CBX1: variants seen among roughly 807,000 people sequenced by gnomAD.
The protein encoded by CBX1 is chromobox 1, also known as chromobox protein homolog 1.
CBX1 carries 10 observed loss-of-function variants against 25.1 expected under a neutral mutation model. The observed-to-expected ratio is 0.40, with a 90% confidence interval of 0.25 to 0.68. The LOEUF (loss-of-function observed/expected upper bound fraction) is 0.68, where lower values mean the gene tolerates loss of function less well. Among genes scored for constraint, CBX1 ranks in the 30% least tolerant of loss-of-function variants. CBX1 has a pLI of 0.40. For synonymous variants in CBX1, 63 were observed against 79.4 expected (o/e 0.79, Z 1.10); for missense variants, 106 against 218.5 (o/e 0.49, Z 3.25).
intron 1 of CBX1, chr17:48,088,206 G>T (rs1454400887): frequency 6.6e-6 from 1 of 151,876 alleles, no homozygotes. Flanking sequence ...AGCTACTTGG[G>T]AGGCAGAGGC....
At chr17:48,086,286 G>T (rs1423657823) in intron 1 of CBX1, among the ~76,000 whole-genome samples, 1 of 152,178 alleles carries the variant, frequency 6.6e-6, no homozygotes, top group Non-Finnish European at 1.5e-5. Flanking sequence ...GCAGAAGGCA[G>T]TAACATAACA....
intron 1 of CBX1, among the ~76,000 whole-genome samples, chr17:48,091,983 C>CTTTTTTTT (rs56277117): frequency 3.2e-5 from 2 of 62,938 alleles, no homozygotes; most frequent in Non-Finnish European, 5.5e-5. Context: ...CCAGCCAGAT[C>CTTTTTTTT]TTTTTTTTTT....
In CBX1 at chr17:48,071,221, C is replaced by T; in HGVS notation, c.*214G>A. On this transcript the variant is annotated 3_prime_UTR_variant, in exon 5 of 5. Coordinates refer to ENST00000225603, the MANE Select transcript of CBX1 (RefSeq NM_001127228.2). ...GTGCAGAAAAGGTTGCCTTGAAACA[C>T]TTATCCCCTTTCCCCTCCACTGGGA... The T allele has an allele frequency of 2.4e-6, 1 of 418,048 alleles. No individual in the cohort carries two copies. Among genetic ancestry groups the T allele is most frequent in the Non-Finnish European group, 4.2e-6 (1 of 237,542 alleles). The allele number at this position is 418,048 out of a possible 1,614,324, so 25.9% of individuals were successfully genotyped here. A position where few individuals can be genotyped will look rare whatever the true frequency, so the allele number is the denominator to read the frequency against.
chr17:48,075,551 T>C (rs2037667416), intron 3 of CBX1, among the ~76,000 whole-genome samples: 1 of 152,150 alleles, frequency 6.6e-6, no homozygotes, highest in Non-Finnish European at 1.5e-5. Context: ...AAGAGAGCTG[T>C]TAGAATCCTT....
intron 1 of CBX1, among the ~76,000 whole-genome samples, chr17:48,080,810 A>G (rs1169724963): frequency 6.8e-6 from 1 of 147,406 alleles, no homozygotes; most frequent in East Asian, 2.1e-4. Context: ...AGTGCCAGCT[A>G]CTCGGGAGGC....
intron 1 of CBX1, among the ~76,000 whole-genome samples, chr17:48,086,395 G>A (rs1175151889): frequency 2.6e-5 from 4 of 152,186 alleles, no homozygotes; most frequent in South Asian, 2.1e-4. Flanking sequence ...GCTCTTGGCT[G>A]CCACCATAAA....
At chr17:48,101,003 C>T (rs1423296495) in intron 1 of CBX1, 1 of 986,018 alleles carries the variant, frequency 1.0e-6, no homozygotes, top group East Asian at 1.1e-4. Context: ...AAGAGCGGCC[C>T]CCAAGTGCTC....
chr17:48,100,974 C>T (rs2063406374), intron 1 of CBX1: 5 of 986,240 alleles, frequency 5.1e-6, no homozygotes, highest in African/African-American at 3.5e-5. Context: ...CAACATTGTT[C>T]CAGACCACCC....
At position 48,070,237 on chromosome 17, in the gene CBX1, G is replaced by C. The variant is rs551328114; in HGVS notation, c.*1198C>G. 1.0e-4 allele frequency: 16 copies of C among 152,726 alleles called. No homozygotes were observed. The highest frequency in any genetic ancestry group is 3.6e-4 in the African/African-American group (15 of 41,554). The allele number at this position is 152,726 out of a possible 1,614,324, so 9.5% of individuals were successfully genotyped here. ...CTCATGACTCAAGACAGAGCATTTT[G>C]GGTATGTTACTTATTAGGATTTCTT... On this transcript the variant is annotated 3_prime_UTR_variant, in exon 5 of 5. Coordinates refer to ENST00000225603, the MANE Select transcript of CBX1 (RefSeq NM_001127228.2).
At chr17:48,082,501 C>CAAAA (rs572999255) in intron 1 of CBX1, among the ~76,000 whole-genome samples, 3 of 53,756 alleles carry the variant, frequency 5.6e-5, no homozygotes, top group African/African-American at 7.9e-5. Flanking sequence ...GACTCCATCT[C>CAAAA]AAAAAAAAAA....
intron 1 of CBX1, among the ~76,000 whole-genome samples, chr17:48,093,121 T>C (rs1428755160): frequency 1.4e-5 from 2 of 139,194 alleles, no homozygotes; most frequent in Admixed American, 7.3e-5. Flanking sequence ...AACAAATTAG[T>C]TGGGCATGAT....
chr17:48,094,184 A>G (rs2063359994), intron 1 of CBX1, among the ~76,000 whole-genome samples: 1 of 148,166 alleles, frequency 6.7e-6, no homozygotes, highest in Non-Finnish European at 1.5e-5. Flanking sequence ...TTGTAATCCC[A>G]GCACATTGGG....
intron 1 of CBX1, among the ~76,000 whole-genome samples, chr17:48,080,036 C>T (rs1380437956): frequency 2.0e-5 from 3 of 152,048 alleles, no homozygotes; most frequent in Admixed American, 6.6e-5. Flanking sequence ...AGTCCTTCAT[C>T]CAAATTTGAC....
intron 4 of CBX1, among the ~76,000 whole-genome samples, chr17:48,073,998 T>C (rs549632725): frequency 6.6e-6 from 1 of 152,262 alleles, no homozygotes; most frequent in African/African-American, 2.4e-5. Flanking sequence ...ATCTTAAAAA[T>C]GAACTTTTCT....
At chr17:48,100,778 C>G in intron 1 of CBX1, 1 of 985,548 alleles carries the variant, frequency 1.0e-6, no homozygotes, top group Non-Finnish European at 1.2e-6. Flanking sequence ...GGGCCCTCTT[C>G]CAATTCACTC....
chr17:48,093,926 C>G (rs965817021), intron 1 of CBX1, among the ~76,000 whole-genome samples: 1 of 151,910 alleles, frequency 6.6e-6, no homozygotes, highest in African/African-American at 2.4e-5. Context: ...TCGAGACCAG[C>G]CTGACCAACA....
At chr17:48,072,358 G>A (rs563770318) in intron 4 of CBX1, among the ~76,000 whole-genome samples, 7 of 152,276 alleles carry the variant, frequency 4.6e-5, no homozygotes, top group African/African-American at 1.7e-4. Context: ...AGCAAATGAA[G>A]ATGGACACTT....
intron 1 of CBX1, among the ~76,000 whole-genome samples, chr17:48,077,436 TTTTTTTTTGTTTTTTTTG>T (rs1202776469): frequency 7.5e-5 from 8 of 106,512 alleles, no homozygotes; most frequent in Non-Finnish European, 9.9e-5. Flanking sequence ...TTTTGTTGTT[TTTTTTTTTGTTTTTTTTG>T]TTTTTTTTTT....
chr17:48,089,007 A>T (rs1311869689), intron 1 of CBX1, among the ~76,000 whole-genome samples: 2 of 151,954 alleles, frequency 1.3e-5, no homozygotes, highest in Non-Finnish European at 2.9e-5. Context: ...AAACCCCAAA[A>T]CTTGTTTATA....
Sources: gnomAD v4.1 joint callset for allele counts (sites outside exome capture counted in the v4.1 genomes callset) on GRCh38, gnomAD v4.1.1 for gene constraint, MANE v1.5 for transcripts, NCBI Gene and HGNC (gene_info 2026-07-23, HGNC 2026-07-21) for gene names.